CALCR: variants seen among roughly 807,000 people sequenced by gnomAD.
The protein encoded by CALCR is calcitonin receptor.
A neutral mutation model predicts 59.5 loss-of-function variants in CALCR; 47 were observed. That is an observed-to-expected ratio of 0.79 (90% CI 0.63 to 1.01). CALCR has a LOEUF of 1.01. Among genes scored for constraint, CALCR ranks in the 50% least tolerant of loss-of-function variants. The pLI, the probability that CALCR is intolerant of heterozygous loss-of-function variation, is 0.00. For missense variants in CALCR, 566 were observed against 597.1 expected, an observed-to-expected ratio of 0.95 and a Z score of 0.54; for synonymous variants, 213 against 211.3, an observed-to-expected ratio of 1.01 and a Z score of -0.07.
At chr7:93,515,296 ATGAAGTTAT>A (rs1244939662) in intron 2 of CALCR, among the ~76,000 whole-genome samples, 2 of 152,008 alleles carry the variant, frequency 1.3e-5, no homozygotes, top group Non-Finnish European at 2.9e-5. Context: ...AGCAAACAGC[ATGAAGTTAT>A]TACCCTATGG....
At chr7:93,438,028 T>C (rs777658423) in intron 11 of CALCR, 32 bp downstream of exon 11, 4 of 1,535,550 alleles carry the variant, frequency 2.6e-6, no homozygotes, top group South Asian at 1.1e-5. Flanking sequence ...GAGATAATAC[T>C]ACTAATATTG....
At chr7:93,448,933 G>T (rs7783961) in intron 8 of CALCR, among the ~76,000 whole-genome samples, 38,361 of 151,768 alleles carry the variant, frequency 0.25, 5,173 homozygotes, top group Middle Eastern at 0.3. Context: ...TATCTTCTCT[G>T]TTTCTTTAGT....
intron 2 of CALCR, among the ~76,000 whole-genome samples, chr7:93,522,288 G>A (rs543404015): frequency 1.3e-5 from 2 of 152,160 alleles, no homozygotes; most frequent in African/African-American, 4.8e-5. Context: ...TAAGACATTT[G>A]AAACTATTTC....
intron 2 of CALCR, among the ~76,000 whole-genome samples, chr7:93,502,302 G>C (rs1801334752): frequency 6.6e-6 from 1 of 152,088 alleles, no homozygotes; most frequent in Non-Finnish European, 1.5e-5. Flanking sequence ...TAAGTAACTT[G>C]ATTAAGATCT....
intron 2 of CALCR, among the ~76,000 whole-genome samples, chr7:93,490,559 C>T (rs547562301): frequency 6.6e-6 from 1 of 151,792 alleles, no homozygotes; most frequent in African/African-American, 2.4e-5. Context: ...TCAGCAAAGT[C>T]GCAGGATAAA....
chr7:93,569,556 T>G (rs903445214), intron 2 of CALCR, among the ~76,000 whole-genome samples: 1 of 152,156 alleles, frequency 6.6e-6, no homozygotes, highest in Non-Finnish European at 1.5e-5. Flanking sequence ...GGGCTGGTTG[T>G]CCGGCTAGGC....
intron 2 of CALCR, among the ~76,000 whole-genome samples, chr7:93,499,312 A>G (rs1271951488): frequency 6.6e-6 from 1 of 151,790 alleles, no homozygotes; most frequent in East Asian, 1.9e-4. Flanking sequence ...CCACTGGAAC[A>G]AAGTTTGTGA....
intron 8 of CALCR, among the ~76,000 whole-genome samples, chr7:93,449,964 C>T (rs921158896): frequency 4.6e-5 from 7 of 151,952 alleles, no homozygotes; most frequent in African/African-American, 9.7e-5. Context: ...TTTCCCTTTG[C>T]GCTATGGTCT....
At chr7:93,462,911 T>C (rs1800367659) in intron 7 of CALCR, among the ~76,000 whole-genome samples, 2 of 152,026 alleles carry the variant, frequency 1.3e-5, no homozygotes, top group South Asian at 4.1e-4. Context: ...TGTTATTCTC[T>C]CCTTTCCTCC....
intron 2 of CALCR, among the ~76,000 whole-genome samples, chr7:93,520,734 G>T (rs1801745220): frequency 6.6e-6 from 1 of 152,076 alleles, no homozygotes; most frequent in South Asian, 2.1e-4. Flanking sequence ...TATAGAAATT[G>T]TCTGATTTTT....
chr7:93,445,851 G>C (rs1446883329), intron 8 of CALCR, among the ~76,000 whole-genome samples: 1 of 152,030 alleles, frequency 6.6e-6, no homozygotes, highest in East Asian at 1.9e-4. Flanking sequence ...TACTATGCTT[G>C]AGGGGCTATT....
intron 2 of CALCR, among the ~76,000 whole-genome samples, chr7:93,500,718 T>C (rs1801304315): frequency 6.6e-6 from 1 of 151,990 alleles, no homozygotes; most frequent in Admixed American, 6.6e-5. Context: ...TCTTTCTGTA[T>C]TGCAGAGAAA....
In CALCR at chr7:93,438,263, C is replaced by T. The variant is rs761725398; in HGVS notation, c.810G>A (p.Pro270=). 1.4e-5 allele frequency: 23 copies of T among 1,611,900 alleles called. No homozygotes were observed. In the South Asian group the frequency reaches 1.4e-4, roughly 10 times the overall value. The change falls in exon 10 of 14, where the codon CCG becomes CCA. Residue 270 remains proline, a synonymous_variant. Coordinates refer to ENST00000426151, the MANE Select transcript of CALCR (RefSeq NM_001742.4). ...TAGCATGGATAGTGGTTGGCACCAG[C>T]GGGAACCCTACAAATGTGAAAAGTA... ...RWYYLLGWGF[P]LVPTTIHAIT...
chr7:93,528,509 T>C (rs1788741027), intron 2 of CALCR, among the ~76,000 whole-genome samples: 1 of 152,144 alleles, frequency 6.6e-6, no homozygotes, highest in African/African-American at 2.4e-5. Context: ...TTCCCACCTA[T>C]GAGTGAGAAC....
chr7:93,542,969 T>C (rs1789184233), intron 2 of CALCR, among the ~76,000 whole-genome samples: 3 of 152,150 alleles, frequency 2.0e-5, no homozygotes, highest in Admixed American at 6.5e-5. Flanking sequence ...TGATTTTTTT[T>C]TTTTAAGTAA....
intron 3 of CALCR, among the ~76,000 whole-genome samples, chr7:93,485,609 T>C (rs1264979200): frequency 6.6e-6 from 1 of 151,636 alleles, no homozygotes; most frequent in Non-Finnish European, 1.5e-5. Flanking sequence ...ATCAATAATA[T>C]ATAGCAATAT....
chr7:93,527,975 A>G (rs545479334), intron 2 of CALCR, among the ~76,000 whole-genome samples: 1 of 152,332 alleles, frequency 6.6e-6, no homozygotes, highest in South Asian at 2.1e-4. Context: ...ATATTCAAGA[A>G]GCATTGTAAC....
At chr7:93,554,769 G>GTATA (rs55879216) in intron 2 of CALCR, among the ~76,000 whole-genome samples, 1,231 of 117,190 alleles carry the variant, frequency 0.011, 112 homozygotes, top group African/African-American at 0.033. Flanking sequence ...GCCAGGCCAT[G>GTATA]TATATATATA....
chr7:93,488,582 G>GAA (rs1554401502), intron 2 of CALCR, among the ~76,000 whole-genome samples: 13 of 78,036 alleles, frequency 1.7e-4, no homozygotes, highest in African/African-American at 3.0e-4. Context: ...CAAATGGAAA[G>GAA]AAAAAAAAAA....
Sources: gnomAD v4.1 joint callset for allele counts (sites outside exome capture counted in the v4.1 genomes callset) on GRCh38, gnomAD v4.1.1 for gene constraint, MANE v1.5 for transcripts, NCBI Gene and HGNC (gene_info 2026-07-23, HGNC 2026-07-21) for gene names.